LRCH3: variants seen among roughly 807,000 people sequenced by gnomAD.
The protein encoded by LRCH3 is DISP complex protein LRCH3.
A neutral mutation model predicts 104.5 loss-of-function variants in LRCH3; 68 were observed. The ratio of observed to expected loss-of-function variants is 0.65; its 90% CI spans 0.54 to 0.80. LRCH3 has a LOEUF of 0.80. LRCH3 is among the 30% of genes least tolerant of loss of function. The pLI is 0.00. For synonymous variants in LRCH3, 344 were observed against 361.3 expected (o/e 0.95, Z 0.54); for missense variants, 951 against 953.9 (o/e 1.00, Z 0.04).
chr3:197,832,126 C>A, intron 7 of LRCH3, 71 bp from the exon 8 acceptor site: 1 of 1,502,350 alleles, frequency 6.7e-7, no homozygotes, highest in Non-Finnish European at 9.0e-7. Flanking sequence ...TCTCCCAAAG[C>A]GCATGGATTA....
chr3:197,850,498 T>C, intron 12 of LRCH3: 1 of 1,592,106 alleles, frequency 6.3e-7, no homozygotes, highest in Non-Finnish European at 8.5e-7. Flanking sequence ...ATCTGTTCCT[T>C]TTCCATAAGG....
chr3:197,792,879 T>A (rs1288649670), intron 1 of LRCH3, among the ~76,000 whole-genome samples: 7 of 151,920 alleles, frequency 4.6e-5, no homozygotes, highest in East Asian at 1.9e-4. Context: ...CTCGAACTCC[T>A]GACCTCAGGT....
Position 197,847,905 on chromosome 3 carries a change from A to C in LRCH3, c.1414A>C (p.Arg472=). 1 of 1,614,112 alleles carries C rather than the reference A, an allele frequency of 6.2e-7. No homozygotes were observed. The highest frequency in any genetic ancestry group is 8.5e-7 in the Non-Finnish European group (1 of 1,180,012). Residue 472 remains arginine, a synonymous_variant, in exon 12 of 21, where the codon AGG becomes CGG. Coordinates refer to ENST00000425562, the MANE Select transcript of LRCH3 (RefSeq NM_001365715.1). ...SHTDLELHQR[R]EQLVERTRRE... Reference sequence around the variant, plus strand: ...CACAGACCTGGAACTTCATCAGAGAAGGGAGCAGTTAGTAGAGCGCACTCG... The same window carrying C: ...CACAGACCTGGAACTTCATCAGAGACGGGAGCAGTTAGTAGAGCGCACTCG...
At chr3:197,812,504 G>GTTTTTTTTTTTTGTTTTTTTTTTTT (rs1733256463) in intron 1 of LRCH3, among the ~76,000 whole-genome samples, 1 of 48,956 alleles carries the variant, frequency 2.0e-5, no homozygotes. Context: ...TCTGCTTTCA[G>GTTTTTTTTTTTTGTTTTTTTTTTTT]TTTTTTTTTT....
At chr3:197,879,787 C>T (rs892848376) in intron 20 of LRCH3, among the ~76,000 whole-genome samples, 1 of 151,738 alleles carries the variant, frequency 6.6e-6, no homozygotes, top group East Asian at 1.9e-4. Flanking sequence ...CAAAAACGTC[C>T]GTCTCCTCAG....
intron 17 of LRCH3, among the ~76,000 whole-genome samples, chr3:197,869,603 TAGAAAGC>T (rs1711842960): frequency 7.6e-6 from 1 of 130,816 alleles, no homozygotes; most frequent in African/African-American, 3.3e-5. Flanking sequence ...CTGCAGGAAG[TAGAAAGC>T]GATACACTGT....
At chr3:197,845,406 C>CAAAAAA (rs370414681) in intron 10 of LRCH3, among the ~76,000 whole-genome samples, 1 of 85,868 alleles carries the variant, frequency 1.2e-5, no homozygotes, top group Non-Finnish European at 2.5e-5. Context: ...GAGACTCTGT[C>CAAAAAA]AAAAAAAAAA....
chr3:197,862,492 TTCTAG>T (rs1741000331), intron 15 of LRCH3, among the ~76,000 whole-genome samples: 1 of 152,260 alleles, frequency 6.6e-6, no homozygotes, highest in Non-Finnish European at 1.5e-5. Flanking sequence ...TTTTTTAAAT[TTCTAG>T]TCTATGTCCT....
Position 197,854,436 on chromosome 3 carries a change from C to T in LRCH3, c.1635C>T (p.Ala545=). Residue 545 remains alanine, a synonymous_variant, in exon 14 of 21, where the codon GCC becomes GCT. Transcript: ENST00000425562. The surrounding 1 kb of genome is among the most constrained non-coding windows in gnomAD (Gnocchi z 4.5). Reference sequence around the variant, plus strand: ...GGTCTCAGCACACTGATGATAGTGCCTTGTGCATGGTAAGAGTTTTGCACA... The same window carrying T: ...GGTCTCAGCACACTGATGATAGTGCTTTGTGCATGGTAAGAGTTTTGCACA... ...SRRSQHTDDS[A]LCMSLSGLNQ... 6.2e-7 allele frequency: 1 copy of T among 1,614,088 alleles called. No individual in the cohort carries two copies. Among genetic ancestry groups the T allele is most frequent in the Non-Finnish European group, 8.5e-7 (1 of 1,179,932 alleles).
At chr3:197,850,572 C>T (rs547765176) in intron 12 of LRCH3, 159 of 1,586,024 alleles carry the variant, frequency 1.0e-4, no homozygotes, top group Non-Finnish European at 1.2e-4. Flanking sequence ...TCTGTAGGTC[C>T]GGCGGCACAT....
chr3:197,791,625 T>TA lies in LRCH3; in HGVS notation c.262+86dup, dbSNP rs1213209211. 15 of 1,413,968 alleles carry TA rather than the reference T, an allele frequency of 1.1e-5. No homozygotes were observed. In the Admixed American group the frequency reaches 1.5e-4, roughly 14 times the overall value. 87.6% of individuals were successfully genotyped at this position (1,413,968 alleles called of 1,614,324 possible). A position where few individuals can be genotyped will look rare whatever the true frequency, so the allele number is the denominator to read the frequency against. On this transcript the variant is annotated intron_variant, in intron 1 of 20. Transcript: ENST00000425562. ...CCGGGGGAGGCGGATGCGGGGGAGT[T>TA]ACAGCAGCTCGTCCCGTAGGCGCCG...
chr3:197,795,333 A>G (rs990897495), intron 1 of LRCH3, among the ~76,000 whole-genome samples: 2 of 152,188 alleles, frequency 1.3e-5, no homozygotes, highest in African/African-American at 4.8e-5. Flanking sequence ...GGCATAGGGT[A>G]TGCCAGTGAC....
chr3:197,799,155 G>A (rs967049157), intron 1 of LRCH3, among the ~76,000 whole-genome samples: 1 of 152,160 alleles, frequency 6.6e-6, no homozygotes, highest in Non-Finnish European at 1.5e-5. Flanking sequence ...GAGTTCCCAG[G>A]TTCCAGTTCC....
At chr3:197,819,348 CT>C (rs1734222368) in intron 3 of LRCH3, among the ~76,000 whole-genome samples, 1 of 130,050 alleles carries the variant, frequency 7.7e-6, no homozygotes, top group African/African-American at 2.8e-5. Flanking sequence ...TTTTTTTTTT[CT>C]AGCTAGGATT....
chr3:197,857,839 A>G (rs1322626903), intron 14 of LRCH3, among the ~76,000 whole-genome samples: 1 of 152,238 alleles, frequency 6.6e-6, no homozygotes, highest in African/African-American at 2.4e-5. Flanking sequence ...GATACATATA[A>G]TACATTGTGT....
chr3:197,846,662 G>T (rs1272437015), intron 10 of LRCH3, among the ~76,000 whole-genome samples: 2 of 152,148 alleles, frequency 1.3e-5, no homozygotes, highest in Admixed American at 1.3e-4. Flanking sequence ...TTAGCACACT[G>T]ATTTCAGTGC....
chr3:197,849,423 A>G (rs1481059818), intron 12 of LRCH3, among the ~76,000 whole-genome samples: 3 of 151,932 alleles, frequency 2.0e-5, no homozygotes, highest in African/African-American at 7.3e-5. Flanking sequence ...TGCCTTTTCA[A>G]CCCTCATAAG....
chr3:197,836,850 A>G (rs1470477620), intron 9 of LRCH3, among the ~76,000 whole-genome samples: 4 of 151,718 alleles, frequency 2.6e-5, no homozygotes, highest in African/African-American at 9.7e-5. Context: ...GCTAATTTTT[A>G]TATTTTTAGT....
At chr3:197,832,375 G>T (rs983567015) in intron 8 of LRCH3, 58 bp downstream of exon 8, 3 of 1,576,756 alleles carry the variant, frequency 1.9e-6, no homozygotes, top group Non-Finnish European at 2.6e-6. Flanking sequence ...TTTTAAAGTT[G>T]TCTTTTTCAT....
Sources: gnomAD v4.1 joint callset for allele counts (sites outside exome capture counted in the v4.1 genomes callset) on GRCh38, gnomAD v4.1.1 for gene constraint, Gnocchi (gnomAD v3.1) non-coding constraint, MANE v1.5 for transcripts, NCBI Gene and HGNC (gene_info 2026-07-23, HGNC 2026-07-21) for gene names.